The following TMEM117 variants were observed in gnomAD, a reference collection of about 807,000 sequenced individuals.
TMEM117 encodes the protein transmembrane protein 117.
A neutral mutation model predicts 52.4 loss-of-function variants in TMEM117; 27 were observed. The observed-to-expected ratio is 0.51, with a 90% CI of 0.38 to 0.71. The LOEUF (loss-of-function observed/expected upper bound fraction) is 0.71, where lower values mean the gene tolerates loss of function less well. Ranked by LOEUF, TMEM117 falls within the 30% of genes least tolerant of loss-of-function variation. The pLI is 0.00. For synonymous variants in TMEM117, 215 were observed against 206.3 expected (o/e 1.04, Z -0.36); for missense variants, 556 against 630.5 (o/e 0.88, Z 1.26).
chr12:44,085,114 C>T (rs2138024819), intron 3 of TMEM117, among the ~76,000 whole-genome samples: 1 of 152,274 alleles, frequency 6.6e-6, no homozygotes, highest in Middle Eastern at 3.4e-3. Flanking sequence ...CCATGTTTTG[C>T]TATTAATTCG....
At position 44,376,534 on chromosome 12, in the gene TMEM117, G is replaced by T. The variant is rs1951943210; in HGVS notation, c.769-61G>T. On this transcript the variant is annotated intron_variant, in intron 6 of 7. Coordinates refer to ENST00000266534, the MANE Select transcript of TMEM117 (RefSeq NM_032256.3). ...AGTGCTTATAAAAAGTCAATTTTTGGTGTTTTGCTGCTTAGGAATGAAACG... is the reference window on the plus strand; with the variant it reads ...AGTGCTTATAAAAAGTCAATTTTTGTTGTTTTGCTGCTTAGGAATGAAACG... The T allele has an allele frequency of 3.2e-6, 5 of 1,571,886 alleles. No individual in the cohort carries two copies. The African/African-American group carries it at 4.1e-5, about 13-fold the overall frequency.
intron 2 of TMEM117, among the ~76,000 whole-genome samples, chr12:43,851,559 T>C (rs1943308803): frequency 1.3e-5 from 2 of 152,230 alleles, no homozygotes; most frequent in Non-Finnish European, 1.5e-5. Flanking sequence ...AAAATTCTTA[T>C]GCCTACAATT....
intron 6 of TMEM117, among the ~76,000 whole-genome samples, chr12:44,342,987 G>A (rs80316647): frequency 0.06 from 9,178 of 151,744 alleles, 902 homozygotes; most frequent in African/African-American, 0.21. Flanking sequence ...AGTGATTCTC[G>A]TGACTCGGGT....
intron 5 of TMEM117, among the ~76,000 whole-genome samples, chr12:44,250,884 G>T (rs1399163259): frequency 6.6e-6 from 1 of 152,140 alleles, no homozygotes; most frequent in African/African-American, 2.4e-5. Flanking sequence ...AATAGTTAAT[G>T]CATGCGGGGC....
At chr12:44,106,889 A>G (rs1947964798) in intron 3 of TMEM117, among the ~76,000 whole-genome samples, 1 of 152,026 alleles carries the variant, frequency 6.6e-6, no homozygotes. Flanking sequence ...TATATTTCCT[A>G]TGTAAAACAG....
intron 2 of TMEM117, among the ~76,000 whole-genome samples, chr12:43,912,265 C>T (rs1304144195): frequency 1.4e-5 from 2 of 142,344 alleles, no homozygotes; most frequent in Admixed American, 7.2e-5. Flanking sequence ...CCAAACACTG[C>T]ATATTCTCAC....
intron 2 of TMEM117, among the ~76,000 whole-genome samples, chr12:43,845,963 CATAA>C (rs1214233945): frequency 7.2e-5 from 11 of 152,162 alleles, no homozygotes; most frequent in Non-Finnish European, 1.5e-4. Context: ...CTTTTCCCCT[CATAA>C]ATAGTACCAA....
At chr12:44,012,697 A>G (rs887260830) in intron 3 of TMEM117, among the ~76,000 whole-genome samples, 1 of 152,068 alleles carries the variant, frequency 6.6e-6, no homozygotes, top group Admixed American at 6.6e-5. Context: ...TGCTTATGTT[A>G]TCCATCTGTT....
At chr12:43,955,489 A>T (rs1056848648) in intron 3 of TMEM117, among the ~76,000 whole-genome samples, 3 of 152,204 alleles carry the variant, frequency 2.0e-5, no homozygotes, top group Non-Finnish European at 2.9e-5. Flanking sequence ...GCATTCCCAT[A>T]CATCTACTGC....
At chr12:43,969,364 A>AAAAAAAAAAAAAAAAAAAAAAAAAAAAC in intron 3 of TMEM117, among the ~76,000 whole-genome samples, 1 of 144,676 alleles carries the variant, frequency 6.9e-6, no homozygotes, top group Non-Finnish European at 1.5e-5. Context: ...ACTAAAAAAA[A>AAAAAAAAAAAAAAAAAAAAAAAAAAAAC]AAAAAAAAAT....
intron 2 of TMEM117, among the ~76,000 whole-genome samples, chr12:43,863,314 GAGTA>G (rs1943523227): frequency 1.3e-5 from 2 of 152,180 alleles, no homozygotes; most frequent in African/African-American, 2.4e-5. Flanking sequence ...GGAGCCTAAA[GAGTA>G]AGGAAGGAGG....
At chr12:43,920,372 G>T (rs1368339841) in intron 2 of TMEM117, among the ~76,000 whole-genome samples, 2 of 151,924 alleles carry the variant, frequency 1.3e-5, no homozygotes, top group African/African-American at 4.8e-5. Flanking sequence ...AATTAGCCGG[G>T]CGTGGTGGCA....
intron 3 of TMEM117, among the ~76,000 whole-genome samples, chr12:44,063,716 C>T (rs751719031): frequency 8.0e-5 from 12 of 149,626 alleles, no homozygotes; most frequent in Middle Eastern, 3.5e-3. Flanking sequence ...GAACATGCGA[C>T]GTTTGGTATT....
chr12:44,357,711 A>G (rs909728376), intron 6 of TMEM117, among the ~76,000 whole-genome samples: 1 of 152,160 alleles, frequency 6.6e-6, no homozygotes, highest in Non-Finnish European at 1.5e-5. Flanking sequence ...ATGCTTATAC[A>G]CTGTTGGTAG....
intron 6 of TMEM117, among the ~76,000 whole-genome samples, chr12:44,311,747 GTGTATATA>G (rs1565701049): frequency 8.5e-6 from 1 of 118,332 alleles, no homozygotes; most frequent in Non-Finnish European, 1.7e-5. Context: ...ATGTATATAT[GTGTATATA>G]TGTATATATA....
rs184453727 is a variant in TMEM117, at chr12:44,094,949, G to A, written c.411-48576G>A. Among the ~76,000 whole-genome samples, 10 of 152,184 alleles carry A rather than the reference G, an allele frequency of 6.6e-5. No homozygotes were observed. The East Asian group carries it at 1.7e-3, about 26-fold the overall frequency. On this transcript the variant is annotated intron_variant, in intron 3 of 7. Coordinates refer to ENST00000266534, the MANE Select transcript of TMEM117 (RefSeq NM_032256.3). Reference sequence around the variant, plus strand: ...GTATTTGGCATTGTTTCATACGTATGTACCGTCATATTTTTACACTGGTAA... The same window carrying A: ...GTATTTGGCATTGTTTCATACGTATATACCGTCATATTTTTACACTGGTAA...
At chr12:44,079,239 T>C (rs892128998) in intron 3 of TMEM117, among the ~76,000 whole-genome samples, 8 of 152,170 alleles carry the variant, frequency 5.3e-5, no homozygotes, top group Non-Finnish European at 1.0e-4. Flanking sequence ...GTAATGGGAT[T>C]GCTGGGTCAA....
intron 3 of TMEM117, among the ~76,000 whole-genome samples, chr12:43,970,889 T>C (rs1182349628): frequency 6.6e-6 from 1 of 151,842 alleles, no homozygotes; most frequent in Non-Finnish European, 1.5e-5. Context: ...AATATGTATG[T>C]CTACCCTTGA....
At chr12:43,856,196 C>T (rs78289847) in intron 2 of TMEM117, among the ~76,000 whole-genome samples, 3,817 of 152,214 alleles carry the variant, frequency 0.025, 163 homozygotes, top group African/African-American at 0.088. Flanking sequence ...TCTATATAGC[C>T]AAATGCCATG....
Sources: allele counts gnomAD v4.1 joint callset (sites outside exome capture counted in the v4.1 genomes callset), GRCh38; gene constraint gnomAD v4.1.1; transcripts MANE v1.5; gene names NCBI Gene and HGNC (gene_info 2026-07-23, HGNC 2026-07-21).